The following ZNF189 variants were observed in gnomAD, a reference collection of about 807,000 sequenced individuals.
The protein encoded by ZNF189 is zinc finger protein 189.
Under a neutral mutation model 53.5 loss-of-function variants are expected in ZNF189, and 33 were observed. The ratio of observed to expected loss-of-function variants is 0.62; its 90% CI spans 0.47 to 0.82. The LOEUF (loss-of-function observed/expected upper bound fraction) is 0.82, where lower values mean the gene tolerates loss of function less well. Among genes scored for constraint, ZNF189 ranks in the 40% least tolerant of loss-of-function variants. ZNF189 has a pLI of 0.00. For missense variants in ZNF189, 711 were observed against 753.9 expected (o/e 0.94, Z 0.67); for synonymous variants, 247 against 238.8 (o/e 1.03, Z -0.32).
intron 2 of ZNF189, among the ~76,000 whole-genome samples, chr9:101,400,310 C>G (rs1830486286): frequency 6.6e-6 from 1 of 152,092 alleles, no homozygotes; most frequent in Non-Finnish European, 1.5e-5. Context: ...TTCTGGAACC[C>G]CTGTTCGTCT....
At chr9:101,407,468 C>T (rs1830756280) in intron 2 of ZNF189, 1 of 399,018 alleles carries the variant, frequency 2.5e-6, no homozygotes, top group Non-Finnish European at 4.4e-6. Context: ...TTGCTGCAGC[C>T]TCAACCTGTT....
chr9:101,400,027 T>C lies in ZNF189; in HGVS notation c.160+17T>C. 6.2e-7 allele frequency: 1 copy of C among 1,610,810 alleles called. No individual in the cohort carries two copies. Among genetic ancestry groups the C allele is most frequent in the South Asian group, 1.1e-5 (1 of 90,342 alleles). Reference sequence around the variant, plus strand: ...TCTCACTGGGTAAGAATCTGCTGTTTCTCTAATTAAAATATCTAAGAAGGT... The same window carrying C: ...TCTCACTGGGTAAGAATCTGCTGTTCCTCTAATTAAAATATCTAAGAAGGT... On this transcript the variant is annotated intron_variant, in intron 2 of 2. Transcript: ENST00000339664.
In ZNF189 at chr9:101,408,513, A is replaced by G. The variant is rs1830805749; in HGVS notation, c.745A>G (p.Lys249Glu). Residue 249 changes from lysine (K) to glutamate (E), a missense_variant, in exon 3 of 3, where the codon AAA becomes GAA. By Grantham distance (56) the Lys-to-Glu change is moderately conservative. Coordinates refer to ENST00000339664, the MANE Select transcript of ZNF189 (RefSeq NM_003452.4). ...CTTCAGCCAGAGAAGGAGCCTTGTTAAACATCAAAGGATTCATACAGGTGA... is the reference window on the plus strand; with the variant it reads ...CTTCAGCCAGAGAAGGAGCCTTGTTGAACATCAAAGGATTCATACAGGTGA... ...QSFSQRRSLV[K>E]HQRIHTGEKP... 6.2e-7 allele frequency: 1 copy of G among 1,614,076 alleles called. No homozygotes were observed. Among genetic ancestry groups the G allele is most frequent in the Non-Finnish European group, 8.5e-7 (1 of 1,180,048 alleles).
rs749290504 is a variant in ZNF189 at position 101,409,577 on chromosome 9, T to C, written c.1809T>C (p.Ala603=). 2 of 1,613,916 alleles carry C rather than the reference T, an allele frequency of 1.2e-6. No homozygotes were observed. The highest frequency in any genetic ancestry group is 2.2e-5 in the South Asian group (2 of 91,038). Residue 603 remains alanine, a synonymous_variant, in exon 3 of 3, where the codon GCT becomes GCC. Coordinates refer to ENST00000339664, the MANE Select transcript of ZNF189 (RefSeq NM_003452.4). ...CCCAAGAAACCCATGAATGTGACGC[T>C]TGTGGTGAAGCCTTTAATTGCCGTA... ...VKTQETHECD[A]CGEAFNCRIS...
intron 1 of ZNF189, 36 bp from the exon 2 acceptor site, chr9:101,399,848 C>A (rs1830466884): frequency 1.2e-6 from 2 of 1,613,396 alleles, no homozygotes; most frequent in African/African-American, 1.3e-5. Context: ...GTCCTTGAGA[C>A]AACAGGAACT....
intron 1 of ZNF189, 44 bp downstream of exon 1, chr9:101,399,233 C>T (rs747358552): frequency 1.3e-6 from 2 of 1,541,222 alleles, no homozygotes; most frequent in Admixed American, 1.8e-5. Flanking sequence ...CTCGCCGCTA[C>T]CCCAGCTAGG....
At chr9:101,399,261 C>A (rs1025498044) in intron 1 of ZNF189, 72 bp downstream of exon 1, 2 of 1,388,262 alleles carry the variant, frequency 1.4e-6, no homozygotes, top group Non-Finnish European at 2.0e-6. Context: ...ACTGCTTTCT[C>A]CCCCAGGCCC....
chr9:101,400,886 T>C (rs898765614), intron 2 of ZNF189, among the ~76,000 whole-genome samples: 4 of 152,208 alleles, frequency 2.6e-5, no homozygotes, highest in African/African-American at 4.8e-5. Flanking sequence ...CTTGTGGAGC[T>C]TACTACAACT....
intron 2 of ZNF189, among the ~76,000 whole-genome samples, 185 bp downstream of exon 2, chr9:101,400,195 G>A (rs944824998): frequency 1.3e-5 from 2 of 152,184 alleles, no homozygotes; most frequent in African/African-American, 4.8e-5. Flanking sequence ...CAAACTGCAA[G>A]CCTTTCGGGC....
In ZNF189 at chr9:101,408,957, G is replaced by T; in HGVS notation, c.1189G>T (p.Asp397Tyr). The stretch of plus-strand genomic sequence containing the variant: ...TCGTCATCAGAGAATTCACACAGGA[G>T]ACAAGCCCCATAAATGTGAGGAATG... ...LTRHQRIHTGDKPHKCEECGK... is the reference protein window; with the variant it reads ...LTRHQRIHTGYKPHKCEECGK... The change falls in exon 3 of 3, where the codon GAC becomes TAC. Residue 397 changes from aspartate to tyrosine, a missense_variant. Physicochemically the swap from Asp to Tyr is radical, Grantham distance 160. Coordinates refer to ENST00000339664, the MANE Select transcript of ZNF189 (RefSeq NM_003452.4). 2 of 1,613,976 alleles carry T rather than the reference G, an allele frequency of 1.2e-6. No individual in the cohort carries two copies. The highest frequency in any genetic ancestry group is 1.7e-6 in the Non-Finnish European group (2 of 1,179,974).
intron 2 of ZNF189, among the ~76,000 whole-genome samples, chr9:101,403,098 ATG>A (rs3983733): frequency 3.8e-4 from 57 of 148,524 alleles, no homozygotes; most frequent in South Asian, 1.3e-3. Context: ...AGCTGCTGAT[ATG>A]TGTGTGTGTG....
chr9:101,405,554 T>C (rs889729156), intron 2 of ZNF189, among the ~76,000 whole-genome samples: 1 of 152,066 alleles, frequency 6.6e-6, no homozygotes, highest in African/African-American at 2.4e-5. Flanking sequence ...ACTGGAGATA[T>C]CTGGAGGGTG....
chr9:101,406,446 T>C (rs1392139025), intron 2 of ZNF189, among the ~76,000 whole-genome samples: 1 of 152,164 alleles, frequency 6.6e-6, no homozygotes, highest in African/African-American at 2.4e-5. Flanking sequence ...TATGTACCAT[T>C]GGCAGATAAT....
chr9:101,409,287 A>G lies in ZNF189; in HGVS notation c.1519A>G (p.Thr507Ala). The change falls in exon 3 of 3, where the codon ACT becomes GCT. Residue 507 changes from threonine to alanine, a missense_variant. Physicochemically the swap from Thr to Ala is moderately conservative, Grantham distance 58. Coordinates refer to ENST00000339664, the MANE Select transcript of ZNF189 (RefSeq NM_003452.4). ...SFLIEHQRIH[T>A]GERPYLCRQC... is the part of the protein sequence containing the mutation. ...TCTTATTGAACATCAGAGAATCCACACTGGTGAGAGACCCTATCTGTGCAG... is the reference window on the plus strand; with the variant it reads ...TCTTATTGAACATCAGAGAATCCACGCTGGTGAGAGACCCTATCTGTGCAG... 2.5e-6 allele frequency: 4 copies of G among 1,614,186 alleles called. No homozygotes were observed. Among genetic ancestry groups the G allele is most frequent in the Non-Finnish European group, 3.4e-6 (4 of 1,180,016 alleles).
intron 2 of ZNF189, among the ~76,000 whole-genome samples, chr9:101,405,946 TC>T (rs1830693712): frequency 6.6e-6 from 1 of 151,106 alleles, no homozygotes; most frequent in African/African-American, 2.4e-5. Context: ...GTGCCTGTAA[TC>T]CCAGCTACTT....
At chr9:101,400,248 C>A (rs973091769) in intron 2 of ZNF189, among the ~76,000 whole-genome samples, 2 of 152,184 alleles carry the variant, frequency 1.3e-5, no homozygotes, top group African/African-American at 4.8e-5. Context: ...TCTGTACTTT[C>A]CGTCCTGGCT....
At chr9:101,403,515 C>T (rs986878312) in intron 2 of ZNF189, among the ~76,000 whole-genome samples, 7 of 152,104 alleles carry the variant, frequency 4.6e-5, no homozygotes, top group Non-Finnish European at 8.8e-5. Context: ...ATAGTTTTGG[C>T]TTTTCATTCA....
At chr9:101,400,572 C>T (rs905287728) in intron 2 of ZNF189, among the ~76,000 whole-genome samples, 2 of 152,150 alleles carry the variant, frequency 1.3e-5, no homozygotes, top group African/African-American at 4.8e-5. Context: ...TTGCTTTTTC[C>T]ACTCAATTCC....
In ZNF189 at chr9:101,401,708, A is replaced by G. The variant is rs73494946; in HGVS notation, c.160+1698A>G. Among the ~76,000 whole-genome samples, 602 of 152,192 alleles carry G rather than the reference A, an allele frequency of 4.0e-3. 5 individuals carry two copies. Among genetic ancestry groups the G allele is most frequent in the African/African-American group, 0.013 (560 of 41,524 alleles). On this transcript the variant is annotated intron_variant, in intron 2 of 2. Coordinates refer to ENST00000339664, the MANE Select transcript of ZNF189 (RefSeq NM_003452.4). ...GTCTTGCCTCTAATACTCCCTTTAA[A>G]TTGTTTAACAGTGATCTGTAACACG...
Sources: gnomAD v4.1 joint callset for allele counts (sites outside exome capture counted in the v4.1 genomes callset) on GRCh38, gnomAD v4.1.1 for gene constraint, MANE v1.5 for transcripts, NCBI Gene and HGNC (gene_info 2026-07-23, HGNC 2026-07-21) for gene names.